Variants in SLCO3A1 observed in about 807,000 individuals in gnomAD.
The protein encoded by SLCO3A1 is PGE1 transporter.
A neutral mutation model predicts 63.1 loss-of-function variants in SLCO3A1; 27 were observed. That is an observed-to-expected ratio of 0.43 (90% CI 0.32 to 0.59). SLCO3A1 has a LOEUF of 0.59. SLCO3A1 is among the 20% of genes least tolerant of loss of function. The pLI is 0.09. For synonymous variants in SLCO3A1, 473 were observed against 409.9 expected, an observed-to-expected ratio of 1.15 and a Z score of -1.86; for missense variants, 773 against 945.8, an observed-to-expected ratio of 0.82 and a Z score of 2.40.
At chr15:92,140,333 G>A (rs2048114122) in intron 7 of SLCO3A1, among the ~76,000 whole-genome samples, 1 of 141,512 alleles carries the variant, frequency 7.1e-6, no homozygotes, top group South Asian at 2.4e-4. Flanking sequence ...TTGCACTGTG[G>A]TCTGAGAGAT....
At chr15:92,130,861 CTCT>C (rs2047984940) in intron 7 of SLCO3A1, among the ~76,000 whole-genome samples, 1 of 145,676 alleles carries the variant, frequency 6.9e-6, no homozygotes, top group Non-Finnish European at 1.5e-5. Flanking sequence ...TTTTTCTCCA[CTCT>C]TCTTGTCTCC....
At chr15:91,988,292 G>T (rs925699169) in intron 2 of SLCO3A1, among the ~76,000 whole-genome samples, 7 of 152,068 alleles carry the variant, frequency 4.6e-5, no homozygotes, top group Non-Finnish European at 7.4e-5. Context: ...AGTGAGCCGT[G>T]ATTGCACCAC....
intron 4 of SLCO3A1, among the ~76,000 whole-genome samples, chr15:92,111,252 C>T (rs1450268848): frequency 2.6e-5 from 4 of 152,196 alleles, no homozygotes; most frequent in Non-Finnish European, 4.4e-5. Flanking sequence ...ATCTCAGCCT[C>T]CTCCATCCAT....
At chr15:91,989,843 G>C (rs1002433135) in intron 2 of SLCO3A1, among the ~76,000 whole-genome samples, 1 of 152,180 alleles carries the variant, frequency 6.6e-6, no homozygotes, top group Non-Finnish European at 1.5e-5. Context: ...ATGAATTAGA[G>C]GACAGAATTA....
rs1897731237 is a variant in SLCO3A1 at position 91,886,608 on chromosome 15, T to C, written c.181-29385T>C. On this transcript the variant is annotated intron_variant, in intron 1 of 9. Transcript: ENST00000318445. This position sits in a 1 kb window ranked among gnomAD's most constrained non-coding sequence, Gnocchi z 4.9. ...ACGGTGTGACCATATTTGATGTGCT[T>C]ACTGATTCCTAAGTCACCTACTGGC... 6.6e-6 allele frequency among the ~76,000 whole-genome samples: 1 copy of C among 152,202 alleles called. No individual in the cohort carries two copies. Among genetic ancestry groups the C allele is most frequent in the Non-Finnish European group, 1.5e-5 (1 of 68,036 alleles).
intron 2 of SLCO3A1, among the ~76,000 whole-genome samples, chr15:92,091,442 TG>T (rs774520287): frequency 2.9e-4 from 44 of 152,214 alleles, no homozygotes; most frequent in Non-Finnish European, 5.9e-4. Flanking sequence ...ACATTCGAGC[TG>T]GCTTTGCCAA....
chr15:91,989,894 T>C (rs889840419), intron 2 of SLCO3A1, among the ~76,000 whole-genome samples: 7 of 152,208 alleles, frequency 4.6e-5, no homozygotes, highest in African/African-American at 1.4e-4. Flanking sequence ...TGGGGAAATA[T>C]TTGCCAAGAG....
chr15:92,038,153 A>G (rs181193673), intron 2 of SLCO3A1, among the ~76,000 whole-genome samples: 3 of 152,216 alleles, frequency 2.0e-5, no homozygotes. Context: ...TAGATGTGCT[A>G]CCTCATCTCT....
At chr15:91,969,650 A>G (rs1900786831) in intron 2 of SLCO3A1, among the ~76,000 whole-genome samples, 1 of 152,142 alleles carries the variant, frequency 6.6e-6, no homozygotes, top group African/African-American at 2.4e-5. Flanking sequence ...AACATTACCA[A>G]AATCTCCTTT....
In SLCO3A1 at chr15:91,954,314, C is replaced by T. The variant is rs143547569; in HGVS notation, c.646+37856C>T. 5.9e-5 allele frequency among the ~76,000 whole-genome samples: 9 copies of T among 152,200 alleles called. No individual in the cohort carries two copies. The highest frequency in any genetic ancestry group is 2.2e-4 in the African/African-American group (9 of 41,442). On this transcript the variant is annotated intron_variant, in intron 2 of 9. Coordinates refer to ENST00000318445, the MANE Select transcript of SLCO3A1 (RefSeq NM_013272.4). This position sits in a 1 kb window ranked among gnomAD's most constrained non-coding sequence, Gnocchi z 4.7. ...TGTGAGTTTCTCAGGATAAACCATC[C>T]ACCCATGGAAGTGGCAGATCCTGAA...
At chr15:92,036,888 T>C (rs1027687106) in intron 2 of SLCO3A1, among the ~76,000 whole-genome samples, 1 of 152,222 alleles carries the variant, frequency 6.6e-6, no homozygotes, top group Admixed American at 6.5e-5. Flanking sequence ...GGGCATCTTC[T>C]GAAGCTGTTT....
At chr15:91,866,550 ATTTCTCTGC>A (rs1897168862) in intron 1 of SLCO3A1, among the ~76,000 whole-genome samples, 1 of 150,814 alleles carries the variant, frequency 6.6e-6, no homozygotes, top group South Asian at 2.1e-4. Flanking sequence ...GGTTCCCAGA[ATTTCTCTGC>A]ACAGGCTCCT....
intron 2 of SLCO3A1, among the ~76,000 whole-genome samples, chr15:92,074,155 G>T (rs1162355212): frequency 6.6e-6 from 1 of 152,226 alleles, no homozygotes; most frequent in Non-Finnish European, 1.5e-5. Flanking sequence ...TGGGCGACAA[G>T]AGTGAAACTC....
intron 4 of SLCO3A1, among the ~76,000 whole-genome samples, chr15:92,118,815 C>T (rs919322060): frequency 2.1e-5 from 3 of 146,066 alleles, no homozygotes; most frequent in Non-Finnish European, 4.5e-5. Context: ...AACAAGTAAA[C>T]TGCATGTCAG....
At chr15:92,055,237 A>T (rs925076713) in intron 2 of SLCO3A1, among the ~76,000 whole-genome samples, 3 of 152,048 alleles carry the variant, frequency 2.0e-5, no homozygotes, top group Admixed American at 6.5e-5. Flanking sequence ...TGGCTGCATA[A>T]ATGTCTTCTC....
chr15:92,134,942 C>T (rs1596132072), intron 7 of SLCO3A1, among the ~76,000 whole-genome samples: 1 of 151,674 alleles, frequency 6.6e-6, no homozygotes, highest in Non-Finnish European at 1.5e-5. Flanking sequence ...GTGAATGAGA[C>T]CCCCATCTCT....
At chr15:92,014,050 C>T (rs1356250349) in intron 2 of SLCO3A1, among the ~76,000 whole-genome samples, 1 of 152,172 alleles carries the variant, frequency 6.6e-6, no homozygotes, top group Non-Finnish European at 1.5e-5. Context: ...ATCTTACCCC[C>T]AGTGAGCAAT....
chr15:92,151,495 T>A (rs1306099588), intron 9 of SLCO3A1, among the ~76,000 whole-genome samples: 1 of 152,204 alleles, frequency 6.6e-6, no homozygotes, highest in Non-Finnish European at 1.5e-5. Context: ...GTGACCTTCA[T>A]GCTATAGGGC....
intron 2 of SLCO3A1, among the ~76,000 whole-genome samples, chr15:92,016,165 C>G (rs1353290827): frequency 6.7e-6 from 1 of 150,130 alleles, no homozygotes; most frequent in African/African-American, 2.5e-5. Context: ...AGATAGCAAA[C>G]CAGGTCTTGA....
Sources: allele counts gnomAD v4.1 joint callset (sites outside exome capture counted in the v4.1 genomes callset), GRCh38; gene constraint gnomAD v4.1.1; non-coding constraint Gnocchi (gnomAD v3.1); transcripts MANE v1.5; gene names NCBI Gene and HGNC (gene_info 2026-07-23, HGNC 2026-07-21).